The following OSBPL9 variants were observed in gnomAD, a reference collection of about 807,000 sequenced individuals.
OSBPL9 encodes the protein oxysterol-binding protein-related protein 9.
In OSBPL9, 40 loss-of-function variants were observed where a neutral mutation model predicts 106.6. That is an observed-to-expected ratio of 0.38 (90% CI 0.29 to 0.49). The LOEUF is 0.49. Ranked by LOEUF, OSBPL9 falls within the 20% of genes least tolerant of loss-of-function variation. OSBPL9 has a pLI of 0.97. For missense variants in OSBPL9, 609 were observed against 887.2 expected, an observed-to-expected ratio of 0.69 and a Z score of 3.98; for synonymous variants, 269 against 295.4, an observed-to-expected ratio of 0.91 and a Z score of 0.92.
chr1:51,623,842 C>T (rs1375707540), intron 1 of OSBPL9, among the ~76,000 whole-genome samples: 2 of 152,106 alleles, frequency 1.3e-5, no homozygotes, highest in Admixed American at 1.3e-4. Flanking sequence ...TCCCATCAAA[C>T]ATTTAAAAGC....
chr1:51,715,691 C>G (rs1213267599), intron 4 of OSBPL9, among the ~76,000 whole-genome samples: 1 of 152,224 alleles, frequency 6.6e-6, no homozygotes, highest in Non-Finnish European at 1.5e-5. Flanking sequence ...CAAGAGCCAC[C>G]TGCCCTTGTA....
At chr1:51,643,159 C>T (rs1057169842) in intron 1 of OSBPL9, among the ~76,000 whole-genome samples, 2 of 152,134 alleles carry the variant, frequency 1.3e-5, no homozygotes, top group Non-Finnish European at 2.9e-5. Flanking sequence ...GAGCACACTC[C>T]TGTGATAGTG....
At chr1:51,665,106 T>G (rs984018385) in intron 2 of OSBPL9, among the ~76,000 whole-genome samples, 4 of 152,208 alleles carry the variant, frequency 2.6e-5, no homozygotes, top group Non-Finnish European at 5.9e-5. Context: ...CTGTTGAACA[T>G]TTGAAGTATG....
chr1:51,535,512 A>G, the OSBPL9 span, among the ~76,000 whole-genome samples: 1 of 151,952 alleles, frequency 6.6e-6, no homozygotes, highest in Non-Finnish European at 1.5e-5. Flanking sequence ...TTATCTCCAT[A>G]CTGTTTCTAT....
rs114960619 is a variant in OSBPL9 at position 51,592,626 on chromosome 1, G to A, written c.-422-5498G>A. ...AGCACAGGGGCTAAGAGAACTAGGG[G>A]AAGCCTAGGCAAGTCTTCCTGGAAG... On this transcript the variant is annotated intron_variant, in intron 1 of 25. Transcript: ENST00000371714. 3.5e-3 allele frequency among the ~76,000 whole-genome samples: 532 copies of A among 152,294 alleles called. 2 individuals are homozygous for A. Among genetic ancestry groups the A allele is most frequent in the South Asian group, 0.014 (68 of 4,830 alleles).
chr1:51,786,326 TC>T (rs1291649410), intron 21 of OSBPL9, 199 bp from the exon 22 acceptor site: 2 of 518,536 alleles, frequency 3.9e-6, no homozygotes, highest in African/African-American at 3.9e-5. Flanking sequence ...GATAGACCTT[TC>T]CTTCAAAGAA....
At chr1:51,546,594 G>A in the OSBPL9 span, among the ~76,000 whole-genome samples, 2 of 151,954 alleles carry the variant, frequency 1.3e-5, no homozygotes, top group Admixed American at 1.3e-4. Flanking sequence ...CTACTCAGGA[G>A]GCTGAGACAG....
intron 4 of OSBPL9, among the ~76,000 whole-genome samples, chr1:51,727,731 G>A (rs1409426736): frequency 6.6e-6 from 1 of 152,156 alleles, no homozygotes; most frequent in Non-Finnish European, 1.5e-5. Flanking sequence ...CTCAGGTAAG[G>A]TGGTGTGTGC....
At chr1:51,761,488 G>A (rs918406574) in intron 10 of OSBPL9, among the ~76,000 whole-genome samples, 2 of 152,138 alleles carry the variant, frequency 1.3e-5, no homozygotes, top group African/African-American at 4.8e-5. Flanking sequence ...TACTTCTTAA[G>A]TGAATTAGCT....
At position 51,738,316 on chromosome 1, in the gene OSBPL9, G is replaced by A. The variant is rs147878829; in HGVS notation, c.319-7220G>A. On this transcript the variant is annotated intron_variant, in intron 4 of 23. Transcript: ENST00000428468. Reference sequence around the variant, plus strand: ...AAGTTCTTGCATTTTAGCTGTACCCGATTCCTGTACCAGATTTTAGCTGTA... The same window carrying A: ...AAGTTCTTGCATTTTAGCTGTACCCAATTCCTGTACCAGATTTTAGCTGTA... Among the ~76,000 whole-genome samples, 8 of 152,118 alleles carry A rather than the reference G, an allele frequency of 5.3e-5. 1 individual carries two copies. The highest frequency in any genetic ancestry group is 1.4e-4 in the African/African-American group (6 of 41,550).
At chr1:51,781,074 C>T (rs115917342) in intron 15 of OSBPL9, 90 bp from the exon 16 acceptor site, 13,588 of 1,274,946 alleles carry the variant, frequency 0.011, 89 homozygotes, top group South Asian at 0.015. Context: ...TCCTCTCAGC[C>T]TGACTTAGGT....
upstream of OSBPL9, chr1:51,617,019 C>T (rs577656477): frequency 4.9e-4 from 740 of 1,496,712 alleles, 1 homozygote; most frequent in Non-Finnish European, 6.3e-4. Flanking sequence ...CGCCCAGGAC[C>T]CGCCCCGCCC....
At chr1:51,523,566 T>G in the OSBPL9 span, among the ~76,000 whole-genome samples, 2 of 152,128 alleles carry the variant, frequency 1.3e-5, 1 homozygote, top group Non-Finnish European at 2.9e-5. Flanking sequence ...CTGATTCAAA[T>G]GCGCTTTTTC....
At chr1:51,599,004 A>G (rs2148603345) in intron 2 of OSBPL9, among the ~76,000 whole-genome samples, 1 of 152,220 alleles carries the variant, frequency 6.6e-6, no homozygotes, top group Admixed American at 6.6e-5. Context: ...AAAAAAAAAA[A>G]AAAAAAGTGT....
At chr1:51,544,741 T>G in the OSBPL9 span, among the ~76,000 whole-genome samples, 3 of 151,808 alleles carry the variant, frequency 2.0e-5, no homozygotes, top group African/African-American at 7.3e-5. Flanking sequence ...AACTAAATCT[T>G]AATATATAAT....
chr1:51,734,569 C>G (rs1181096933), intron 4 of OSBPL9, among the ~76,000 whole-genome samples: 1 of 152,160 alleles, frequency 6.6e-6, no homozygotes, highest in Admixed American at 6.5e-5. Flanking sequence ...TCCTGGTGAA[C>G]CTAGTTGTTT....
chr1:51,768,457 G>A (rs897020933), intron 12 of OSBPL9, among the ~76,000 whole-genome samples: 84 of 152,128 alleles, frequency 5.5e-4, no homozygotes, highest in African/African-American at 1.7e-3. Flanking sequence ...CAGGCTGTCC[G>A]CCTGCCTCGG....
intron 3 of OSBPL9, among the ~76,000 whole-genome samples, chr1:51,688,079 G>A (rs1019637589): frequency 6.6e-6 from 1 of 152,164 alleles, no homozygotes; most frequent in Non-Finnish European, 1.5e-5. Context: ...GCTTGACCAT[G>A]TTCTCTCTGT....
At chr1:51,689,226 C>T (rs1474057130) in intron 3 of OSBPL9, among the ~76,000 whole-genome samples, 3 of 152,174 alleles carry the variant, frequency 2.0e-5, no homozygotes, top group African/African-American at 7.2e-5. Flanking sequence ...TTCTGTTACT[C>T]TGTTAGGCCA....
Sources: allele counts gnomAD v4.1 joint callset (sites outside exome capture counted in the v4.1 genomes callset), GRCh38; gene constraint gnomAD v4.1.1; transcripts MANE v1.5; gene names NCBI Gene and HGNC (gene_info 2026-07-23, HGNC 2026-07-21).